The following MMRN1 variants were observed in gnomAD, a reference collection of about 807,000 sequenced individuals.
The protein encoded by MMRN1 is multimerin 1, also known as multimerin-1.
Under a neutral mutation model 100.7 loss-of-function variants are expected in MMRN1, and 94 were observed. The ratio of observed to expected loss-of-function variants is 0.93; its 90% CI spans 0.79 to 1.11. MMRN1 has a LOEUF of 1.11. MMRN1 is among the 50% of genes least tolerant of loss of function. MMRN1 has a pLI of 0.00. For synonymous variants in MMRN1, 575 were observed against 505.0 expected (o/e 1.14, Z -1.86); for missense variants, 1,606 against 1,439.1 (o/e 1.12, Z -1.88).
At chr4:89,884,822 T>A (rs1211180020) in intron 1 of MMRN1, among the ~76,000 whole-genome samples, 1 of 152,166 alleles carries the variant, frequency 6.6e-6, no homozygotes, top group Non-Finnish European at 1.5e-5. Context: ...TTATATATAA[T>A]ACAGCACTTT....
rs146662716 is a variant in MMRN1 at position 89,945,783 on chromosome 4, T to A, written c.3119-5822T>A. ...GTCTAAGATATTTGCTGAAGATTGC[T>A]GATACAACTAAATGTGCCTTAAAGT... On this transcript the variant is annotated intron_variant, in intron 6 of 7. Coordinates refer to ENST00000264790, the MANE Select transcript of MMRN1 (RefSeq NM_007351.3). Among the ~76,000 whole-genome samples, 181 of 152,238 alleles carry A rather than the reference T, an allele frequency of 1.2e-3. 1 individual carries two copies. Among genetic ancestry groups the A allele is most frequent in the East Asian group, 4.0e-3 (21 of 5,192 alleles).
chr4:89,907,939 A>G (rs115098695), intron 1 of MMRN1, among the ~76,000 whole-genome samples: 59 of 149,844 alleles, frequency 3.9e-4, no homozygotes, highest in African/African-American at 1.4e-3. Context: ...TGTGGATACT[A>G]TGTTATTAGT....
chr4:89,907,581 A>G (rs1167264310), intron 1 of MMRN1, among the ~76,000 whole-genome samples: 1 of 151,210 alleles, frequency 6.6e-6, no homozygotes, highest in African/African-American at 2.4e-5. Flanking sequence ...TATTCTGCCC[A>G]ATCTTAGGAC....
At chr4:89,914,538 G>A (rs967727083) in intron 3 of MMRN1, among the ~76,000 whole-genome samples, 3 of 151,146 alleles carry the variant, frequency 2.0e-5, no homozygotes, top group Non-Finnish European at 4.4e-5. Context: ...CTTTATTGGG[G>A]GAAAAAAGGA....
upstream of MMRN1, among the ~76,000 whole-genome samples, chr4:89,893,521 A>G (rs1372847387): frequency 6.6e-6 from 1 of 152,134 alleles, no homozygotes; most frequent in Non-Finnish European, 1.5e-5. Flanking sequence ...TCTAATTTTG[A>G]AAGACGGAAC....
intron 1 of MMRN1, among the ~76,000 whole-genome samples, chr4:89,903,250 T>C (rs1177447633): frequency 6.6e-6 from 1 of 151,850 alleles, no homozygotes; most frequent in East Asian, 1.9e-4. Flanking sequence ...AACTTCTCTT[T>C]TTAGCTTGAT....
chr4:89,919,669 A>G (rs905358273), intron 3 of MMRN1, among the ~76,000 whole-genome samples: 7 of 151,998 alleles, frequency 4.6e-5, no homozygotes. Context: ...TACCTAATTT[A>G]GGACTAGGTT....
chr4:89,886,360 C>T (rs940049584), intron 1 of MMRN1, among the ~76,000 whole-genome samples: 9 of 152,014 alleles, frequency 5.9e-5, no homozygotes, highest in African/African-American at 9.7e-5. Context: ...GGATTTTTAA[C>T]GCTTACTTTT....
Position 89,894,929 on chromosome 4 carries a change from G to A in MMRN1, c.-43G>A. Reference sequence around the variant, plus strand: ...CTATCAAAAAGGCCATAAGGATTTTGTCCCCAAATTTCACATGAGCTACCT... The same window carrying A: ...CTATCAAAAAGGCCATAAGGATTTTATCCCCAAATTTCACATGAGCTACCT... On this transcript the variant is annotated 5_prime_UTR_variant, in exon 1 of 8. Transcript: ENST00000264790. The A allele has an allele frequency of 6.4e-7, 1 of 1,562,872 alleles. No individual in the cohort carries two copies. Among genetic ancestry groups the A allele is most frequent in the South Asian group, 1.2e-5 (1 of 81,128 alleles).
intron 1 of MMRN1, among the ~76,000 whole-genome samples, chr4:89,888,789 T>A (rs957932404): frequency 5.9e-5 from 9 of 152,118 alleles, no homozygotes; most frequent in Admixed American, 3.9e-4. Flanking sequence ...TTCAACTTTT[T>A]AAAAAATAAT....
Position 89,951,724 on chromosome 4 carries a change from C to T in MMRN1, c.3238C>T (p.Leu1080Phe). 1 of 1,612,510 alleles carries T rather than the reference C, an allele frequency of 6.2e-7. No homozygotes were observed. ...PFTGDNCTIK[L>F]VEENALAPDF... ...TACTGGTGACAACTGCACTATCAAG[C>T]TTGTGGAAGAAAATGCTTTAGCTCC... The change falls in exon 7 of 8, where the codon CTT becomes TTT. Residue 1080 changes from leucine to phenylalanine, a missense_variant. Leu to Phe is a conservative substitution (Grantham distance 22). Coordinates refer to ENST00000264790, the MANE Select transcript of MMRN1 (RefSeq NM_007351.3).
At chr4:89,922,032 G>A (rs917727121) in intron 3 of MMRN1, among the ~76,000 whole-genome samples, 2 of 152,120 alleles carry the variant, frequency 1.3e-5, no homozygotes, top group Non-Finnish European at 2.9e-5. Flanking sequence ...TTTGTTAGAA[G>A]TCTGCAAATT....
At position 89,951,696 on chromosome 4, in the gene MMRN1, T is replaced by G. The variant is rs761114674; in HGVS notation, c.3210T>G (p.Pro1070=). Residue 1070 remains proline (P), a synonymous_variant, in exon 7 of 8, where the codon CCT becomes CCG. Transcript: ENST00000264790. ...RTSFTCACRH[P]FTGDNCTIKL... Reference sequence around the variant, plus strand: ...GCTTTACCTGTGCCTGCAGACATCCTTTTACTGGTGACAACTGCACTATCA... The same window carrying G: ...GCTTTACCTGTGCCTGCAGACATCCGTTTACTGGTGACAACTGCACTATCA... 2 of 1,606,888 alleles carry G rather than the reference T, an allele frequency of 1.2e-6. No homozygotes were observed. The highest frequency in any genetic ancestry group is 1.7e-6 in the Non-Finnish European group (2 of 1,177,730).
At position 89,895,010 on chromosome 4, in the gene MMRN1, A is replaced by G; in HGVS notation, c.39A>G (p.Leu13=). 6.2e-7 allele frequency: 1 copy of G among 1,613,494 alleles called. No homozygotes were observed. Among genetic ancestry groups the G allele is most frequent in the Non-Finnish European group, 8.5e-7 (1 of 1,179,642 alleles). The change falls in exon 1 of 8, where the codon TTA becomes TTG. Residue 13 remains leucine, a synonymous_variant. Coordinates refer to ENST00000264790, the MANE Select transcript of MMRN1 (RefSeq NM_007351.3). ...GARLFVLLSS[L]WSGGIGLNNS... is the part of the protein sequence containing the mutation. Reference sequence around the variant, plus strand: ...GATTATTTGTCCTTCTTTCTAGTTTATGGAGTGGGGGCATTGGGCTTAACA... The same window carrying G: ...GATTATTTGTCCTTCTTTCTAGTTTGTGGAGTGGGGGCATTGGGCTTAACA...
intron 1 of MMRN1, among the ~76,000 whole-genome samples, chr4:89,901,298 G>A (rs1274436031): frequency 1.3e-5 from 2 of 151,972 alleles, no homozygotes; most frequent in African/African-American, 2.4e-5. Flanking sequence ...AGGGTCAGAG[G>A]AAGGTAAAAT....
chr4:89,953,303 C>T lies in MMRN1; in HGVS notation c.3572C>T (p.Ala1191Val). ...TGTGATAGGGTTTTAACTGGGGATG[C>T]CTTATTAGAATTAAATTATGGGCAG... The part of the protein sequence containing the change: ...IHCDRVLTGD[A>V]LLELNYGQEV... Residue 1191 changes from alanine (A) to valine (V), a missense_variant, in exon 8 of 8, where the codon GCC becomes GTC. By Grantham distance (64) the Ala-to-Val change is moderately conservative (BLOSUM62 0). Coordinates refer to ENST00000264790, the MANE Select transcript of MMRN1 (RefSeq NM_007351.3). The T allele has an allele frequency of 2.5e-6, 4 of 1,613,698 alleles. No homozygotes were observed. In the East Asian group the frequency reaches 8.9e-5, roughly 36 times the overall value.
intron 3 of MMRN1, among the ~76,000 whole-genome samples, chr4:89,919,937 A>T (rs909579427): frequency 4.6e-5 from 7 of 152,148 alleles, no homozygotes; most frequent in Non-Finnish European, 8.8e-5. Flanking sequence ...ATCATAAGCA[A>T]TGATAAACTG....
At position 89,936,312 on chromosome 4, in the gene MMRN1, A is replaced by T. The variant is rs1408589781; in HGVS notation, c.2632A>T (p.Ile878Phe). 3 of 1,612,634 alleles carry T rather than the reference A, an allele frequency of 1.9e-6. No individual in the cohort carries two copies. The highest frequency in any genetic ancestry group is 2.5e-6 in the Non-Finnish European group (3 of 1,179,468). ...KVTQTLIPYY[I>F]SVKKGSVVTN... ...TACCCAGACGCTCATACCTTATTAT[A>T]TTTCAGTTAAAAAAGGCAGTGTAGT... The change falls in exon 6 of 8, where the codon ATT becomes TTT. Residue 878 changes from isoleucine (I) to phenylalanine (F), a missense_variant. By Grantham distance (21) the Ile-to-Phe change is conservative (BLOSUM62 0). Coordinates refer to ENST00000264790, the MANE Select transcript of MMRN1 (RefSeq NM_007351.3).
intron 6 of MMRN1, among the ~76,000 whole-genome samples, chr4:89,950,251 C>G (rs1325540678): frequency 6.6e-6 from 1 of 152,108 alleles, no homozygotes; most frequent in East Asian, 1.9e-4. Flanking sequence ...CATCAGTGAT[C>G]ATTTAGGAGT....
Sources: allele counts gnomAD v4.1 joint callset (sites outside exome capture counted in the v4.1 genomes callset), GRCh38; gene constraint gnomAD v4.1.1; transcripts MANE v1.5; gene names NCBI Gene and HGNC (gene_info 2026-07-23, HGNC 2026-07-21).